TP73: variants seen among roughly 807,000 people sequenced by gnomAD.
TP73 encodes tumor protein p73.
Under a neutral mutation model 62.5 loss-of-function variants are expected in TP73, and 25 were observed. The ratio of observed to expected loss-of-function variants is 0.40; its 90% CI spans 0.29 to 0.56. The LOEUF (loss-of-function observed/expected upper bound fraction) is 0.56. Among genes scored for constraint, TP73 ranks in the 20% least tolerant of loss-of-function variants. TP73 has a pLI of 0.46. For synonymous variants in TP73, 423 were observed against 377.5 expected (o/e 1.12, Z -1.40); for missense variants, 754 against 913.3 (o/e 0.83, Z 2.25).
At chr1:3,710,633 A>T (rs1214690691) in intron 4 of TP73, among the ~76,000 whole-genome samples, 3 of 152,144 alleles carry the variant, frequency 2.0e-5, no homozygotes, top group Admixed American at 2.0e-4. Context: ...AAACACCCTC[A>T]CCAGCCCCCA....
intron 1 of TP73, among the ~76,000 whole-genome samples, chr1:3,677,582 C>A (rs1236285373): frequency 1.3e-5 from 2 of 152,190 alleles, no homozygotes; most frequent in East Asian, 1.9e-4. Flanking sequence ...CAATGACCAC[C>A]CCCAAATGCT....
chr1:3,687,904 G>A (rs1447364365), intron 3 of TP73, among the ~76,000 whole-genome samples: 2 of 152,186 alleles, frequency 1.3e-5, no homozygotes, highest in Non-Finnish European at 2.9e-5. Flanking sequence ...GACACCCGGG[G>A]TCAGAACCTT....
At chr1:3,692,091 A>G (rs761135150) in intron 3 of TP73, among the ~76,000 whole-genome samples, 4 of 152,028 alleles carry the variant, frequency 2.6e-5, no homozygotes, top group Non-Finnish European at 4.4e-5. Flanking sequence ...GTGTGTGTGT[A>G]TGTACACGTG....
rs569168292 is a variant in TP73, at chr1:3,680,424, G to A, written c.-33-1909G>A. The stretch of plus-strand genomic sequence containing the variant: ...AGTCCATTTCCATCTCTGGACTCAG[G>A]TGGCCCATCTACAAAATGAAGGGGA... On this transcript the variant is annotated intron_variant, in intron 1 of 13. Transcript: ENST00000378295. 3.3e-5 allele frequency among the ~76,000 whole-genome samples: 5 copies of A among 152,264 alleles called. No individual in the cohort carries two copies. The South Asian group carries it at 8.3e-4, about 25-fold the overall frequency.
chr1:3,657,254 G>T (rs576869746), intron 1 of TP73, among the ~76,000 whole-genome samples: 1 of 152,162 alleles, frequency 6.6e-6, no homozygotes, highest in Non-Finnish European at 1.5e-5. Flanking sequence ...GAGGGGGCTC[G>T]CCTCCTGTCT....
At chr1:3,720,744 C>T (rs930682644) in intron 4 of TP73, among the ~76,000 whole-genome samples, 5 of 152,236 alleles carry the variant, frequency 3.3e-5, no homozygotes, top group African/African-American at 1.2e-4. Flanking sequence ...CCTCATGTCC[C>T]TTGATGGCCA....
intron 9 of TP73, 60 bp downstream of exon 9, chr1:3,728,277 G>C: frequency 4.5e-6 from 7 of 1,561,696 alleles, no homozygotes; most frequent in Non-Finnish European, 6.1e-6. Flanking sequence ...CGTCTGCTGA[G>C]CCCAGGCTGG....
In TP73 at chr1:3,731,091, C is replaced by G. The variant is rs1030325018; in HGVS notation, c.1484+26C>G. Reference sequence around the variant, plus strand: ...GTGCGTGGGCTGCCGAGGGCCTGAGCATGTGCTGTCACCCTGTCTGTTCAC... The same window carrying G: ...GTGCGTGGGCTGCCGAGGGCCTGAGGATGTGCTGTCACCCTGTCTGTTCAC... On this transcript the variant is annotated intron_variant, in intron 12 of 13. Coordinates refer to ENST00000378295, the MANE Select transcript of TP73 (RefSeq NM_005427.4). 1.9e-6 allele frequency: 3 copies of G among 1,602,646 alleles called. No individual in the cohort carries two copies. The African/African-American group carries it at 4.0e-5, about 21-fold the overall frequency.
chr1:3,693,682 C>T (rs1333304040), intron 3 of TP73, among the ~76,000 whole-genome samples: 2 of 148,750 alleles, frequency 1.3e-5, no homozygotes, highest in East Asian at 3.9e-4. Flanking sequence ...CTCAGCCCCT[C>T]CTCCCACAAT....
intron 13 of TP73, 32 bp from the exon 14 acceptor site, chr1:3,732,714 GC>G (rs770183291): frequency 6.5e-7 from 1 of 1,533,790 alleles, no homozygotes; most frequent in African/African-American, 1.4e-5. Context: ...CTGCTCCACT[GC>G]CCCCTGCCCC....
intron 1 of TP73, among the ~76,000 whole-genome samples, chr1:3,661,794 T>C (rs1411939851): frequency 6.8e-6 from 1 of 147,748 alleles, no homozygotes; most frequent in East Asian, 1.9e-4. Context: ...TATATATACA[T>C]ACACTATATA....
At chr1:3,702,666 G>A (rs1377693570) in intron 3 of TP73, among the ~76,000 whole-genome samples, 1 of 152,222 alleles carries the variant, frequency 6.6e-6, no homozygotes, top group African/African-American at 2.4e-5. Flanking sequence ...TGCGTCCGCG[G>A]CCTGGAGGCT....
intron 3 of TP73, among the ~76,000 whole-genome samples, chr1:3,685,748 TG>T (rs1466712456): frequency 6.6e-6 from 1 of 152,120 alleles, no homozygotes; most frequent in Non-Finnish European, 1.5e-5. Context: ...GGAGCTGAAC[TG>T]GGGGGCATTG....
intron 3 of TP73, among the ~76,000 whole-genome samples, chr1:3,686,141 G>T (rs1018880174): frequency 5.3e-5 from 8 of 152,184 alleles, no homozygotes; most frequent in African/African-American, 1.9e-4. Context: ...CCATACTCAG[G>T]GGCGGGTCTG....
intron 1 of TP73, among the ~76,000 whole-genome samples, chr1:3,671,043 G>A (rs1251040525): frequency 6.6e-6 from 1 of 152,206 alleles, no homozygotes; most frequent in Non-Finnish European, 1.5e-5. Context: ...CCTGAGGAGT[G>A]AGGCTTCCTG....
At chr1:3,656,487 G>C (rs1644868259) in intron 1 of TP73, among the ~76,000 whole-genome samples, 1 of 152,230 alleles carries the variant, frequency 6.6e-6, no homozygotes, top group Admixed American at 6.5e-5. Flanking sequence ...TGGCTAAAAA[G>C]TTTACATTTT....
intron 4 of TP73, among the ~76,000 whole-genome samples, chr1:3,719,642 GC>G (rs776234935): frequency 3.9e-5 from 6 of 152,234 alleles, no homozygotes; most frequent in Non-Finnish European, 8.8e-5. Context: ...GTTCCCATGT[GC>G]CCTGGGGGCA....
chr1:3,726,901 C>G lies in TP73; in HGVS notation c.733-214C>G, dbSNP rs12044987. ...GGATGGATGAATAGATAAATGGGTT[C>G]GATGGATGGATGGATGGACGGATGG... On this transcript the variant is annotated intron_variant, in intron 6 of 13. Transcript: ENST00000378295. Among the ~76,000 whole-genome samples the G allele has an allele frequency of 6.1e-5, 9 of 147,574 alleles. No individual in the cohort carries two copies. In the South Asian group the frequency reaches 6.6e-4, roughly 11 times the overall value.
At chr1:3,729,231 A>G in intron 9 of TP73, 96 bp from the exon 10 acceptor site, 1 of 1,543,854 alleles carries the variant, frequency 6.5e-7, no homozygotes. Flanking sequence ...GAAAGGACAG[A>G]TGCTTTGCCA....
Sources: gnomAD v4.1 joint callset for allele counts (sites outside exome capture counted in the v4.1 genomes callset) on GRCh38, gnomAD v4.1.1 for gene constraint, MANE v1.5 for transcripts, NCBI Gene and HGNC (gene_info 2026-07-23, HGNC 2026-07-21) for gene names.